The following NIBAN1 variants were observed in gnomAD, a reference collection of about 807,000 sequenced individuals.
NIBAN1 encodes the protein protein Niban 1.
Under a neutral mutation model 75.1 loss-of-function variants are expected in NIBAN1, and 81 were observed. That is an observed-to-expected ratio of 1.08 (90% confidence interval 0.90 to 1.30). The LOEUF is 1.30. Ranked by LOEUF, NIBAN1 falls within the 50% of genes most tolerant of loss-of-function variation. NIBAN1 has a pLI of 0.00. For synonymous variants in NIBAN1, 436 were observed against 424.8 expected, an observed-to-expected ratio of 1.03 and a Z score of -0.32; for missense variants, 1,133 against 1,128.1, an observed-to-expected ratio of 1.00 and a Z score of -0.06.
chr1:184,894,398 T>C (rs750883855), intron 2 of NIBAN1, among the ~76,000 whole-genome samples, 192 bp from the exon 3 acceptor site: 2 of 152,210 alleles, frequency 1.3e-5, no homozygotes, highest in Admixed American at 6.5e-5. Flanking sequence ...TAAATATTTG[T>C]CTTATTGGTA....
intron 10 of NIBAN1, among the ~76,000 whole-genome samples, chr1:184,807,557 G>A (rs1654239812): frequency 6.6e-6 from 1 of 152,180 alleles, no homozygotes; most frequent in Non-Finnish European, 1.5e-5. Flanking sequence ...GGAGGCCGAG[G>A]TGGGCAGTTC....
intron 13 of NIBAN1, among the ~76,000 whole-genome samples, chr1:184,797,140 T>G (rs1396615690): frequency 2.8e-5 from 1 of 35,612 alleles, no homozygotes; most frequent in Middle Eastern, 0.016. Flanking sequence ...TCTCCAGCTT[T>G]TTTTTTTTTT....
chr1:184,823,363 T>G (rs779496636), intron 7 of NIBAN1, 34 bp from the exon 8 acceptor site: 5 of 1,611,324 alleles, frequency 3.1e-6, no homozygotes, highest in Non-Finnish European at 4.2e-6. Flanking sequence ...ATCAGGGCTC[T>G]GTCACGTGTA....
At position 184,793,244 on chromosome 1, in the gene NIBAN1, A is replaced by G. The variant is rs1012062143; in HGVS notation, c.*1733T>C. On this transcript the variant is annotated 3_prime_UTR_variant, in exon 14 of 14. Transcript: ENST00000367511. ...GTGATGATCTAAACAAGTTCTCAAC[A>G]AATATGTTGAGATCTGATGTTAAAA... is the stretch of plus-strand genomic sequence containing the variant. 3.3e-5 allele frequency: 5 copies of G among 152,158 alleles called. No homozygotes were observed. The highest frequency in any genetic ancestry group is 1.2e-4 in the African/African-American group (5 of 41,428). 9.4% of individuals were successfully genotyped at this position (152,158 alleles called of 1,614,324 possible). A position where few individuals can be genotyped will look rare whatever the true frequency, so the allele number is the denominator to read the frequency against.
At chr1:184,962,483 A>T (rs762122720) in intron 1 of NIBAN1, among the ~76,000 whole-genome samples, 2 of 152,220 alleles carry the variant, frequency 1.3e-5, no homozygotes, top group African/African-American at 2.4e-5. Context: ...AAAAGTCCAG[A>T]AATAATGGCC....
At chr1:184,941,652 CAAAAA>C (rs1190148311) in intron 1 of NIBAN1, among the ~76,000 whole-genome samples, 1 of 72,232 alleles carries the variant, frequency 1.4e-5, no homozygotes, top group Non-Finnish European at 3.1e-5. Context: ...GACCCTGTCT[CAAAAA>C]AAAAAAAAAA....
chr1:184,853,857 T>C (rs1245627807), intron 5 of NIBAN1, among the ~76,000 whole-genome samples: 1 of 152,220 alleles, frequency 6.6e-6, no homozygotes, highest in African/African-American at 2.4e-5. Context: ...GGGAAGTCTC[T>C]TTGCTTTCCC....
intron 5 of NIBAN1, among the ~76,000 whole-genome samples, chr1:184,837,200 A>G (rs548248325): frequency 5.3e-5 from 8 of 152,334 alleles, no homozygotes; most frequent in South Asian, 2.1e-4. Flanking sequence ...TCTCCTGCCA[A>G]TAAGCAAATT....
At chr1:184,899,436 C>T (rs981695626) in intron 1 of NIBAN1, 127 bp from the exon 2 acceptor site, 1 of 941,948 alleles carries the variant, frequency 1.1e-6, no homozygotes, top group Non-Finnish European at 1.6e-6. Context: ...TTCTATCCCT[C>T]CAGTCACCCC....
chr1:184,950,691 T>C (rs1025061517), intron 1 of NIBAN1, among the ~76,000 whole-genome samples: 2 of 152,204 alleles, frequency 1.3e-5, no homozygotes, highest in Admixed American at 6.5e-5. Context: ...TGGTTTTCGA[T>C]TAGGTTATGC....
chr1:184,796,274 T>C (rs1439909507), intron 13 of NIBAN1, among the ~76,000 whole-genome samples, 177 bp from the exon 14 acceptor site: 2 of 152,202 alleles, frequency 1.3e-5, no homozygotes, highest in East Asian at 1.9e-4. Flanking sequence ...CTCTGTAGCA[T>C]TCATTCATTC....
At chr1:184,805,911 T>C (rs1352727249) in intron 11 of NIBAN1, 35 bp downstream of exon 11, 1 of 1,558,904 alleles carries the variant, frequency 6.4e-7, no homozygotes, top group Admixed American at 1.7e-5. Flanking sequence ...CACGTTCTCT[T>C]TTTATGCTTC....
intron 5 of NIBAN1, among the ~76,000 whole-genome samples, chr1:184,840,392 T>C (rs903524975): frequency 2.0e-5 from 3 of 152,138 alleles, no homozygotes; most frequent in Non-Finnish European, 4.4e-5. Context: ...GTATACCCCA[T>C]GGAGATCCAG....
At chr1:184,831,379 C>G (rs1251909069) in intron 6 of NIBAN1, among the ~76,000 whole-genome samples, 1 of 152,130 alleles carries the variant, frequency 6.6e-6, no homozygotes, top group Non-Finnish European at 1.5e-5. Flanking sequence ...CTTCACTTGT[C>G]ACGATGATGC....
intron 5 of NIBAN1, among the ~76,000 whole-genome samples, chr1:184,871,690 C>T (rs1027430580): frequency 5.9e-5 from 9 of 152,174 alleles, no homozygotes; most frequent in African/African-American, 1.7e-4. Context: ...TGACCTTAAG[C>T]TACCTTTTTC....
At chr1:184,901,698 A>G (rs1489713824) in intron 1 of NIBAN1, among the ~76,000 whole-genome samples, 1 of 152,196 alleles carries the variant, frequency 6.6e-6, no homozygotes. Flanking sequence ...GATGAACTCT[A>G]TAAAGCTTTG....
At chr1:184,883,689 C>CTAG (rs1656436228) in intron 5 of NIBAN1, among the ~76,000 whole-genome samples, 1 of 152,192 alleles carries the variant, frequency 6.6e-6, no homozygotes, top group African/African-American at 2.4e-5. Context: ...TGCCACTCGG[C>CTAG]CGTGTGCTAG....
chr1:184,828,782 CACTT>C (rs891011317), intron 6 of NIBAN1, among the ~76,000 whole-genome samples: 1 of 150,878 alleles, frequency 6.6e-6, no homozygotes, highest in African/African-American at 2.4e-5. Context: ...TTTACCAAAA[CACTT>C]AAATTCTGAG....
chr1:184,835,293 T>C (rs1024525056), intron 5 of NIBAN1, among the ~76,000 whole-genome samples: 73 of 152,350 alleles, frequency 4.8e-4, no homozygotes, highest in African/African-American at 1.7e-3. Context: ...TCCAGCTTTG[T>C]TCTTTTTGCT....
Sources: gnomAD v4.1 joint callset for allele counts (sites outside exome capture counted in the v4.1 genomes callset) on GRCh38, gnomAD v4.1.1 for gene constraint, MANE v1.5 for transcripts, NCBI Gene and HGNC (gene_info 2026-07-23, HGNC 2026-07-21) for gene names.